Variants in ITGA2B observed in about 807,000 individuals in gnomAD.
ITGA2B encodes the protein integrin alpha-IIb.
A neutral mutation model predicts 142.0 loss-of-function variants in ITGA2B; 91 were observed. The ratio of observed to expected loss-of-function variants is 0.64; its 90% CI spans 0.54 to 0.76. ITGA2B has a LOEUF of 0.76. ITGA2B is among the 30% of genes least tolerant of loss of function. The pLI, the probability that ITGA2B is intolerant of heterozygous loss-of-function variation, is 0.00. For missense variants in ITGA2B, 1,231 were observed against 1,350.8 expected, an observed-to-expected ratio of 0.91 and a Z score of 1.39; for synonymous variants, 536 against 567.2, an observed-to-expected ratio of 0.94 and a Z score of 0.78.
intron 18 of ITGA2B, among the ~76,000 whole-genome samples, chr17:44,379,484 C>G (rs552698924): frequency 6.6e-6 from 1 of 151,940 alleles, no homozygotes; most frequent in Admixed American, 6.6e-5. Flanking sequence ...TAACTCCTGA[C>G]CTCAGGCAAT....
intron 2 of ITGA2B, 37 bp from the exon 3 acceptor site, chr17:44,385,958 G>A (rs373872991): frequency 1.9e-5 from 31 of 1,613,984 alleles, no homozygotes; most frequent in Non-Finnish European, 2.5e-5. Flanking sequence ...GCTGAAGCCC[G>A]GCAGTCCACG....
At position 44,372,327 on chromosome 17, in the gene ITGA2B, G is replaced by T. The variant is rs56311858; in HGVS notation, c.*37C>A. On this transcript the variant is annotated 3_prime_UTR_variant, in exon 30 of 30. Transcript: ENST00000262407. ...GGAGAAGGGGCGGTGCAGGTAGCAC[G>T]CCCAACCCTCCTGCTAGAATAGTGT... 1 of 1,608,896 alleles carries T rather than the reference G, an allele frequency of 6.2e-7. No homozygotes were observed. The highest frequency in any genetic ancestry group is 8.5e-7 in the Non-Finnish European group (1 of 1,175,334).
In ITGA2B at chr17:44,385,036, A is replaced by C. The variant is rs1378048605; in HGVS notation, c.711T>G (p.Ser237Arg). The change falls in exon 7 of 30, where the codon AGT (serine) becomes AGG (arginine). Residue 237 changes from serine (S) to arginine (R), a missense_variant. Around this residue, in one of 3 missense-constraint regions of ITGA2B, gnomAD observed 318 missense variants for 312.2 expected, o/e 1.02. Transcript: ENST00000262407. ...AQAPVADIFS[S>R]YRPGILLWHV... Reference sequence around the variant, plus strand: ...GCCACAAAAGGATGCCTGGGCGGTAACTCGAGAAAATATCCGCAACTGGAG... The same window carrying C: ...GCCACAAAAGGATGCCTGGGCGGTACCTCGAGAAAATATCCGCAACTGGAG... 5.0e-6 allele frequency: 8 copies of C among 1,613,858 alleles called. No individual in the cohort carries two copies. The highest frequency in any genetic ancestry group is 6.8e-6 in the Non-Finnish European group (8 of 1,179,948).
At chr17:44,377,552 A>C in intron 21 of ITGA2B, 146 bp downstream of exon 21, 1 of 684,472 alleles carries the variant, frequency 1.5e-6, no homozygotes, top group Non-Finnish European at 2.6e-6. Flanking sequence ...CAGAGAGGGA[A>C]AGTCACTCAC....
At chr17:44,377,824 G>T in intron 20 of ITGA2B, 34 bp from the exon 21 acceptor site, 2 of 1,285,430 alleles carry the variant, frequency 1.6e-6, no homozygotes, top group South Asian at 2.3e-5. Context: ...AGAAATTACA[G>T]AGCATCATAT....
rs886053010 is a variant in ITGA2B, at chr17:44,386,090, C to T, written c.230G>A (p.Ser77Asn). Residue 77 changes from serine to asparagine, a missense_variant, in exon 2 of 30, where the codon AGC becomes AAC. Transcript: ENST00000262407. Reference sequence around the variant, plus strand: ...GAACACGCCGCCCGTCTCCTCCTGGCTGGGGCCCAGGGTCCGCGGGGCGCC... The same window carrying T: ...GAACACGCCGCCCGTCTCCTCCTGGTTGGGGCCCAGGGTCCGCGGGGCGCC... ...VVGAPRTLGP[S>N]QEETGGVFLC... The T allele has an allele frequency of 2.5e-6, 4 of 1,609,660 alleles. No homozygotes were observed. In the Middle Eastern group the frequency reaches 5.0e-4, roughly 199 times the overall value.
chr17:44,374,077 G>C, intron 29 of ITGA2B: 1 of 406,864 alleles, frequency 2.5e-6, no homozygotes, highest in Non-Finnish European at 4.7e-6. Context: ...GGCTAATTTT[G>C]GTATTTTTAG....
Position 44,376,528 on chromosome 17 carries a change from G to T in ITGA2B, c.2268-140C>A. Reference sequence around the variant, plus strand: ...CCACACTGAAGTTAGACCTGGGAAAGAACTTCCTCTAGGGCTCCAAGACTC... The same window carrying T: ...CCACACTGAAGTTAGACCTGGGAAATAACTTCCTCTAGGGCTCCAAGACTC... On this transcript the variant is annotated intron_variant, in intron 22 of 29. Transcript: ENST00000262407. The T allele has an allele frequency of 6.6e-6, 5 of 754,624 alleles. No homozygotes were observed. The South Asian group carries it at 7.4e-5, about 11-fold the overall frequency. The allele number at this position is 754,624 out of a possible 1,614,324, so 46.7% of individuals were successfully genotyped here. A position where few individuals can be genotyped will look rare whatever the true frequency, so the allele number is the denominator to read the frequency against.
rs776397121 is a variant in ITGA2B, at chr17:44,375,848, A to T, written c.2586T>A (p.Pro862=). Residue 862 remains proline (P), a synonymous_variant, in exon 25 of 30, where the codon CCT becomes CCA. Transcript: ENST00000262407. ...CAGCTCTTACCTTGAGAGGGTTGAC[A>T]GGAGGCTGTGGGAAGCACTGAAGGC... is the stretch of plus-strand genomic sequence containing the variant. ...QGGLQCFPQP[P]VNPLKVDWGL... is the part of the protein sequence containing the mutation. The T allele has an allele frequency of 1.9e-6, 3 of 1,586,952 alleles. No homozygotes were observed. The highest frequency in any genetic ancestry group is 2.6e-6 in the Non-Finnish European group (3 of 1,166,436).
chr17:44,381,032 G>A lies in ITGA2B; in HGVS notation c.1240C>T (p.Pro414Ser). 1 of 1,613,396 alleles carries A rather than the reference G, an allele frequency of 6.2e-7. No individual in the cohort carries two copies. The highest frequency in any genetic ancestry group is 8.5e-7 in the Non-Finnish European group (1 of 1,179,632). ...DIAVAAPYGGPSGRGQVLVFL... is the reference protein window; with the variant it reads ...DIAVAAPYGGSSGRGQVLVFL... ...ACCAGCACTTGGCCCCGGCCACTGG[G>A]ACCCCCGTAGGGGGCAGCCACTGCA... The change falls in exon 13 of 30, where the codon CCC becomes TCC. Residue 414 changes from proline to serine, a missense_variant. Transcript: ENST00000262407.
In ITGA2B at chr17:44,389,342, G is replaced by T. The variant is rs544946488; in HGVS notation, c.132C>A (p.Gly44=). Residue 44 remains glycine, a synonymous_variant, in exon 1 of 30, where the codon GGC becomes GGA. Transcript: ENST00000262407. The part of the protein sequence containing the change: ...LDPVQLTFYA[G]PNGSQFGFSL... ...AAAATCCAAACTGGCTGCCATTGGG[G>T]CCTGCATAGAAGGTGAGCTGCACTG... is the stretch of plus-strand genomic sequence containing the variant. 6.2e-7 allele frequency: 1 copy of T among 1,614,164 alleles called. No individual in the cohort carries two copies. The highest frequency in any genetic ancestry group is 1.1e-5 in the South Asian group (1 of 91,090).
rs761165048 is a variant in ITGA2B, at chr17:44,385,878, G to T, written c.354C>A (p.Phe118Leu). 7 of 1,608,732 alleles carry T rather than the reference G, an allele frequency of 4.4e-6. No homozygotes were observed. Among genetic ancestry groups the T allele is most frequent in the Non-Finnish European group, 5.9e-6 (7 of 1,177,198 alleles). Residue 118 changes from phenylalanine (F) to leucine (L), a missense_variant, in exon 3 of 30, where the codon TTC (phenylalanine) becomes TTA (leucine). This residue lies in a region of ITGA2B where 318 missense variants were observed against 312.2 expected (regional missense o/e 1.02). Transcript: ENST00000262407. ...RNVGSQTLQT[F>L]KARQGLGASV... ...ACGCCCCCAGTCCTTGGCGGGCCTTGAAGGTTTGTAAAGTTTGGGAGCCTA... is the reference window on the plus strand; with the variant it reads ...ACGCCCCCAGTCCTTGGCGGGCCTTTAAGGTTTGTAAAGTTTGGGAGCCTA...
rs1598379360 is a variant in ITGA2B, at chr17:44,379,794, G to C, written c.1773C>G (p.Asp591Glu). The change falls in exon 18 of 30, where the codon GAC becomes GAG. Residue 591 changes from aspartate (D) to glutamate (E), a missense_variant. Transcript: ENST00000262407. Reference protein sequence around the residue: ...AFLRDEADFRDKLSPIVLSLN... With the variant: ...AFLRDEADFREKLSPIVLSLN... The stretch of plus-strand genomic sequence containing the variant: ...GGCTGAGCACAATGGGGCTCAGCTT[G>C]TCCCGGAAGTCTGCCTCATCCTAGG... 6.2e-7 allele frequency: 1 copy of C among 1,613,876 alleles called. No homozygotes were observed. Among genetic ancestry groups the C allele is most frequent in the Non-Finnish European group, 8.5e-7 (1 of 1,180,006 alleles).
At chr17:44,379,551 G>A in intron 18 of ITGA2B, 138 bp downstream of exon 18, 1 of 1,374,036 alleles carries the variant, frequency 7.3e-7, no homozygotes, top group Non-Finnish European at 1.0e-6. Context: ...ACCATGACTG[G>A]CTGGATTTTG....
intron 22 of ITGA2B, among the ~76,000 whole-genome samples, 176 bp from the exon 23 acceptor site, chr17:44,376,564 C>A (rs1567899284): frequency 6.6e-6 from 1 of 152,046 alleles, no homozygotes; most frequent in Non-Finnish European, 1.5e-5. Context: ...AGACATAAAT[C>A]TCTGAGGAAG....
In ITGA2B at chr17:44,379,790, G is replaced by A; in HGVS notation, c.1777C>T (p.Leu593=). ...TTGAGGCTGAGCACAATGGGGCTCA[G>A]CTTGTCCCGGAAGTCTGCCTCATCC... ...LRDEADFRDK[L]SPIVLSLNVS... Residue 593 remains leucine (L), a synonymous_variant, in exon 18 of 30, where the codon CTG becomes TTG. Coordinates refer to ENST00000262407, the MANE Select transcript of ITGA2B (RefSeq NM_000419.5). 1 of 1,613,908 alleles carries A rather than the reference G, an allele frequency of 6.2e-7. No individual in the cohort carries two copies. Among genetic ancestry groups the A allele is most frequent in the Non-Finnish European group, 8.5e-7 (1 of 1,180,022 alleles).
rs2048596180 is a variant in ITGA2B at position 44,381,375 on chromosome 17, G to T, written c.1211-314C>A. Reference sequence around the variant, plus strand: ...GATGGAGTCTCGCTCTGTTGTCCTGGCTGGAGTGCAGTGGTGCGATCTCGG... The same window carrying T: ...GATGGAGTCTCGCTCTGTTGTCCTGTCTGGAGTGCAGTGGTGCGATCTCGG... On this transcript the variant is annotated intron_variant, in intron 12 of 29. Coordinates refer to ENST00000262407, the MANE Select transcript of ITGA2B (RefSeq NM_000419.5). Among the ~76,000 whole-genome samples the T allele has an allele frequency of 2.0e-5, 3 of 151,696 alleles. No homozygotes were observed. The South Asian group carries it at 6.2e-4, about 32-fold the overall frequency.
chr17:44,378,386 G>A lies in ITGA2B; in HGVS notation c.2070C>T (p.Tyr690=), dbSNP rs199648793. The part of the protein sequence containing the change: ...LAVHLPQGAH[Y]MRALSNVEGF... Reference sequence around the variant, plus strand: ...CCTCGACATTGCTTAGGGCCCGCATGTAGTGGGCGCCCTGGGGCAGGTGCA... The same window carrying A: ...CCTCGACATTGCTTAGGGCCCGCATATAGTGGGCGCCCTGGGGCAGGTGCA... Residue 690 remains tyrosine, a synonymous_variant, in exon 20 of 30, where the codon TAC becomes TAT. Transcript: ENST00000262407. 1.1e-5 allele frequency: 17 copies of A among 1,613,078 alleles called. No homozygotes were observed. The East Asian group carries it at 1.6e-4, about 15-fold the overall frequency.
chr17:44,385,029 G>C lies in ITGA2B; in HGVS notation c.718C>G (p.Pro240Ala). Residue 240 changes from proline (P) to alanine (A), a missense_variant, in exon 7 of 30, where the codon CCA (proline) becomes GCA (alanine). Transcript: ENST00000262407. Reference sequence around the variant, plus strand: ...GACACGTGCCACAAAAGGATGCCTGGGCGGTAACTCGAGAAAATATCCGCA... The same window carrying C: ...GACACGTGCCACAAAAGGATGCCTGCGCGGTAACTCGAGAAAATATCCGCA... ...PVADIFSSYR[P>A]GILLWHVSSQ... The C allele has an allele frequency of 6.2e-7, 1 of 1,614,172 alleles. No homozygotes were observed. The highest frequency in any genetic ancestry group is 8.5e-7 in the Non-Finnish European group (1 of 1,180,024).
Sources: allele counts gnomAD v4.1 joint callset (sites outside exome capture counted in the v4.1 genomes callset), GRCh38; gene constraint gnomAD v4.1.1; regional missense constraint gnomAD v4.1.1; transcripts MANE v1.5; gene names NCBI Gene and HGNC (gene_info 2026-07-23, HGNC 2026-07-21).